Variants in ITCH observed in about 807,000 individuals in gnomAD.
ITCH encodes E3 ubiquitin-protein ligase Itchy homolog.
In ITCH, 28 loss-of-function variants were observed where a neutral mutation model predicts 126.8. The ratio of observed to expected loss-of-function variants is 0.22; its 90% CI spans 0.16 to 0.30. The LOEUF is 0.30. Ranked by LOEUF, ITCH falls within the 10% of genes least tolerant of loss-of-function variation. The pLI is 1.00. For missense variants in ITCH, 631 were observed against 1,032.4 expected, an observed-to-expected ratio of 0.61 and a Z score of 5.33; for synonymous variants, 342 against 340.0, an observed-to-expected ratio of 1.01 and a Z score of -0.06.
intron 2 of ITCH, among the ~76,000 whole-genome samples, chr20:34,377,379 G>GA (rs1252525004): frequency 5.8e-4 from 87 of 151,004 alleles, no homozygotes; most frequent in African/African-American, 1.8e-3. Context: ...GTCTCAAAAA[G>GA]AAAAAACCAC....
intron 16 of ITCH, among the ~76,000 whole-genome samples, chr20:34,472,736 C>T (rs1016450578): frequency 6.6e-6 from 1 of 152,144 alleles, no homozygotes; most frequent in Non-Finnish European, 1.5e-5. Context: ...AAGGAAAAAG[C>T]CAGTTGGCAT....
At chr20:34,394,973 T>TG (rs1488141274) in intron 3 of ITCH, among the ~76,000 whole-genome samples, 2 of 152,136 alleles carry the variant, frequency 1.3e-5, no homozygotes. Flanking sequence ...GGCTCACACC[T>TG]GTAATCCTAG....
chr20:34,428,418 C>T (rs1981842018), intron 7 of ITCH, among the ~76,000 whole-genome samples: 1 of 152,160 alleles, frequency 6.6e-6, no homozygotes, highest in African/African-American at 2.4e-5. Flanking sequence ...CTGTCTGTAT[C>T]ATAAATGTGT....
chr20:34,409,940 G>A, intron 4 of ITCH, among the ~76,000 whole-genome samples: 1 of 152,016 alleles, frequency 6.6e-6, no homozygotes, highest in East Asian at 1.9e-4. Context: ...TGAGCCAGGA[G>A]GATTGTGTGA....
At chr20:34,453,672 A>T (rs1055826046) in intron 12 of ITCH, among the ~76,000 whole-genome samples, 1 of 152,162 alleles carries the variant, frequency 6.6e-6, no homozygotes, top group South Asian at 2.1e-4. Context: ...GGTTATAAAA[A>T]TTATTTGGAT....
At chr20:34,386,466 A>G (rs917003553) in intron 2 of ITCH, among the ~76,000 whole-genome samples, 1 of 152,100 alleles carries the variant, frequency 6.6e-6, no homozygotes, top group African/African-American at 2.4e-5. Context: ...ATGCTTCTGT[A>G]TTTTATAGTA....
rs572077189 is a variant in ITCH, at chr20:34,380,238, A to G, written c.-22+10768A>G. ...ATGTCTTCAGGTTTCATGTTGTACC[A>G]TATGTCAGAATTTTATTCCTTTTTA... On this transcript the variant is annotated intron_variant, in intron 2 of 24. Coordinates refer to ENST00000374864, the MANE Select transcript of ITCH (RefSeq NM_031483.7). 7.9e-5 allele frequency among the ~76,000 whole-genome samples: 12 copies of G among 152,262 alleles called. No individual in the cohort carries two copies. The East Asian group carries it at 1.3e-3, about 17-fold the overall frequency.
chr20:34,397,846 T>G (rs1374257705), intron 3 of ITCH, among the ~76,000 whole-genome samples: 1 of 152,160 alleles, frequency 6.6e-6, no homozygotes, highest in African/African-American at 2.4e-5. Context: ...AACAGTCCTT[T>G]AAAACATTCT....
intron 2 of ITCH, among the ~76,000 whole-genome samples, chr20:34,390,127 A>AC (rs1289363260): frequency 1.3e-5 from 2 of 151,604 alleles, no homozygotes; most frequent in African/African-American, 4.9e-5. Flanking sequence ...CTCAAAAAAA[A>AC]AAAGAAAAAA....
chr20:34,385,910 A>G lies in ITCH; in HGVS notation c.-21-7881A>G, dbSNP rs567118829. ...CCTCCTTGTTAAGTCAATTAAGTCA[A>G]TTTTTCCTAGTAAATGGGAAAGCAA... On this transcript the variant is annotated intron_variant, in intron 2 of 24. Coordinates refer to ENST00000374864, the MANE Select transcript of ITCH (RefSeq NM_031483.7). 1.6e-4 allele frequency among the ~76,000 whole-genome samples: 24 copies of G among 152,160 alleles called. No individual in the cohort carries two copies. In the East Asian group the frequency reaches 2.7e-3, roughly 17 times the overall value.
intron 12 of ITCH, among the ~76,000 whole-genome samples, chr20:34,451,213 C>G (rs575354335): frequency 6.6e-6 from 1 of 151,942 alleles, no homozygotes; most frequent in East Asian, 1.9e-4. Flanking sequence ...TCACTTGAAC[C>G]CGGGAGGCGG....
chr20:34,469,974 G>C, intron 14 of ITCH, 74 bp from the exon 15 acceptor site: 1 of 1,081,876 alleles, frequency 9.2e-7, no homozygotes, highest in Non-Finnish European at 1.4e-6. Context: ...GAGAGGGTGG[G>C]ATATTTTGCT....
chr20:34,423,275 TA>T (rs1905109262), intron 6 of ITCH, among the ~76,000 whole-genome samples: 1 of 152,212 alleles, frequency 6.6e-6, no homozygotes, highest in Non-Finnish European at 1.5e-5. Context: ...AATTCCATTG[TA>T]TAGACAACAT....
At chr20:34,409,591 A>C (rs145358622) in intron 4 of ITCH, among the ~76,000 whole-genome samples, 124 of 152,300 alleles carry the variant, frequency 8.1e-4, no homozygotes, top group African/African-American at 2.7e-3. Context: ...ACCTGAGTAC[A>C]TATGGATCTT....
At chr20:34,458,506 A>G (rs1046508378) in intron 13 of ITCH, among the ~76,000 whole-genome samples, 1 of 152,198 alleles carries the variant, frequency 6.6e-6, no homozygotes, top group African/African-American at 2.4e-5. Context: ...TTATAATAGT[A>G]TGCATATTAG....
chr20:34,461,383 A>T (rs924067047), intron 13 of ITCH, among the ~76,000 whole-genome samples: 1 of 152,160 alleles, frequency 6.6e-6, no homozygotes, highest in African/African-American at 2.4e-5. Context: ...GAGTGAGATC[A>T]GATAAGGAAA....
At position 34,462,148 on chromosome 20, in the gene ITCH, G is replaced by A. The variant is rs768224067; in HGVS notation, c.1351G>A (p.Gly451Arg). 1 of 1,613,422 alleles carries A rather than the reference G, an allele frequency of 6.2e-7. No individual in the cohort carries two copies. Among genetic ancestry groups the A allele is most frequent in the Non-Finnish European group, 8.5e-7 (1 of 1,179,404 alleles). ...TTGGGAAATGAGATTCACAGTGGATGGAATTCCATATTTTGTGGACCACAA... is the reference window on the plus strand; with the variant it reads ...TTGGGAAATGAGATTCACAGTGGATAGAATTCCATATTTTGTGGACCACAA... Reference protein sequence around the residue: ...EGWEMRFTVDGIPYFVDHNRR... With the variant: ...EGWEMRFTVDRIPYFVDHNRR... The change falls in exon 14 of 25, where the codon GGA becomes AGA. Residue 451 changes from glycine to arginine, a missense_variant. Physicochemically the swap from Gly to Arg is moderately radical, Grantham distance 125. Transcript: ENST00000374864.
chr20:34,365,858 C>A (rs549869272), intron 1 of ITCH, among the ~76,000 whole-genome samples: 2 of 152,274 alleles, frequency 1.3e-5, no homozygotes, highest in Non-Finnish European at 2.9e-5. Context: ...TTGGCTTCAA[C>A]CAATTTATTT....
intron 20 of ITCH, among the ~76,000 whole-genome samples, chr20:34,487,055 AG>A (rs1226184080): frequency 7.9e-6 from 1 of 126,250 alleles, no homozygotes; most frequent in Non-Finnish European, 1.6e-5. Flanking sequence ...TCTGTCACCC[AG>A]GCTGGAGTGC....
Sources: allele counts gnomAD v4.1 joint callset (sites outside exome capture counted in the v4.1 genomes callset), GRCh38; gene constraint gnomAD v4.1.1; transcripts MANE v1.5; gene names NCBI Gene and HGNC (gene_info 2026-07-23, HGNC 2026-07-21).